Variants in RMND1 observed in about 807,000 individuals in gnomAD.
The protein encoded by RMND1 is required for meiotic nuclear division protein 1 homolog.
A neutral mutation model predicts 54.0 loss-of-function variants in RMND1; 41 were observed. That is an observed-to-expected ratio of 0.76 (90% CI 0.59 to 0.98). The LOEUF is 0.98. Among genes scored for constraint, RMND1 ranks in the 50% least tolerant of loss-of-function variants. The probability of loss-of-function intolerance (pLI) is 0.00; values close to 1 mark genes in which losing one functional copy is unlikely to be tolerated. For missense variants in RMND1, 457 were observed against 532.0 expected (o/e 0.86, Z 1.39); for synonymous variants, 183 against 181.7 (o/e 1.01, Z -0.06).
intron 9 of RMND1, 95 bp from the exon 10 acceptor site, chr6:151,417,494 T>G: frequency 1.2e-6 from 1 of 831,236 alleles, no homozygotes. Context: ...TATGAAAACT[T>G]TTTTTTTTTT....
At chr6:151,424,030 T>TA (rs1780224770) in intron 6 of RMND1, among the ~76,000 whole-genome samples, 1 of 151,952 alleles carries the variant, frequency 6.6e-6, no homozygotes, top group Non-Finnish European at 1.5e-5. Flanking sequence ...TTTGTATTTT[T>TA]AATAGAGATA....
At chr6:151,431,052 C>T (rs1780435108) in intron 4 of RMND1, among the ~76,000 whole-genome samples, 1 of 151,984 alleles carries the variant, frequency 6.6e-6, no homozygotes, top group African/African-American at 2.4e-5. Context: ...GTGATCAGTG[C>T]TACAAGAGTA....
chr6:151,424,718 GA>G (rs1016294593), intron 6 of RMND1, among the ~76,000 whole-genome samples: 17 of 152,082 alleles, frequency 1.1e-4, no homozygotes, highest in Non-Finnish European at 2.2e-4. Flanking sequence ...AGGAAGTTGT[GA>G]AAAATGAGTA....
intron 1 of RMND1, among the ~76,000 whole-genome samples, chr6:151,451,216 A>C (rs1462966094): frequency 6.6e-6 from 1 of 151,820 alleles, no homozygotes. Flanking sequence ...AAAAAAAAAA[A>C]AAACACAACC....
chr6:151,441,185 G>A (rs916569073), intron 2 of RMND1, among the ~76,000 whole-genome samples: 12 of 152,156 alleles, frequency 7.9e-5, no homozygotes, highest in Admixed American at 4.6e-4. Context: ...CGCATGCTCT[G>A]ATCAGAACAT....
chr6:151,450,597 C>T (rs1279473186), intron 1 of RMND1, among the ~76,000 whole-genome samples: 1 of 149,980 alleles, frequency 6.7e-6, no homozygotes, highest in Non-Finnish European at 1.5e-5. Flanking sequence ...AGCCCCCCGC[C>T]CGGCCAGCCG....
At chr6:151,417,534 C>T (rs534949929) in intron 9 of RMND1, 135 bp from the exon 10 acceptor site, 9 of 624,230 alleles carry the variant, frequency 1.4e-5, no homozygotes, top group East Asian at 9.4e-5. Context: ...CTATGTTACC[C>T]GGGATGGAGT....
At chr6:151,449,931 G>T (rs915278751) in intron 1 of RMND1, among the ~76,000 whole-genome samples, 1 of 152,216 alleles carries the variant, frequency 6.6e-6, no homozygotes, top group Admixed American at 6.5e-5. Context: ...GTTTGCAGAC[G>T]GAGTCTGGTT....
chr6:151,415,832 A>G (rs1197821391), intron 10 of RMND1, among the ~76,000 whole-genome samples: 2 of 150,890 alleles, frequency 1.3e-5, no homozygotes, highest in African/African-American at 4.9e-5. Context: ...CTGTATGACT[A>G]TCTATATAAC....
At chr6:151,420,592 CAT>C (rs1780126107) in intron 9 of RMND1, 1 of 152,160 alleles carries the variant, frequency 6.6e-6, no homozygotes, top group Admixed American at 6.6e-5. Context: ...AGTTTTTAGA[CAT>C]AGTTATTCCC....
intron 1 of RMND1, among the ~76,000 whole-genome samples, chr6:151,450,715 T>C (rs1400309484): frequency 2.0e-5 from 3 of 151,786 alleles, no homozygotes; most frequent in Admixed American, 1.3e-4. Flanking sequence ...CAACAGCTCA[T>C]TGAGAACGGG....
intron 2 of RMND1, 108 bp downstream of exon 2, chr6:151,445,200 G>C: frequency 8.9e-7 from 1 of 1,123,842 alleles, no homozygotes; most frequent in Non-Finnish European, 1.3e-6. Flanking sequence ...AGAAGTCTGA[G>C]TGACTGCTAG....
chr6:151,445,308 C>G lies in RMND1; in HGVS notation c.504G>C (p.Glu168Asp). The G allele has an allele frequency of 6.2e-7, 1 of 1,603,544 alleles. No homozygotes were observed. The highest frequency in any genetic ancestry group is 8.5e-7 in the Non-Finnish European group (1 of 1,175,416). The change falls in exon 2 of 12, where the codon GAG becomes GAC. Residue 168 changes from glutamate to aspartate, a missense_variant and splice_region_variant. Physicochemically the swap from Glu to Asp is conservative, Grantham distance 45. Coordinates refer to ENST00000444024, the MANE Select transcript of RMND1 (RefSeq NM_017909.4). ...AGAGCCACGGCCACCCCTACTTTAC[C>G]TCGTTCACAGACAGAACTGGAAGGT... ...RTNLPVLSVNEDLMHCTAFAT... is the reference protein window; with the variant it reads ...RTNLPVLSVNDDLMHCTAFAT...
chr6:151,450,821 G>A (rs1781152698), intron 1 of RMND1, among the ~76,000 whole-genome samples: 1 of 152,188 alleles, frequency 6.6e-6, no homozygotes, highest in South Asian at 2.1e-4. Flanking sequence ...GTAGAAAGAA[G>A]TAGACATGGG....
At chr6:151,437,266 A>G (rs73783013) in intron 2 of RMND1, among the ~76,000 whole-genome samples, 16,274 of 152,250 alleles carry the variant, frequency 0.11, 895 homozygotes, top group Middle Eastern at 0.17. Context: ...AGCTTTTTTA[A>G]TAAAACTAAA....
intron 1 of RMND1, among the ~76,000 whole-genome samples, chr6:151,449,459 T>G (rs898156606): frequency 5.9e-5 from 9 of 152,064 alleles, no homozygotes; most frequent in Admixed American, 3.3e-4. Context: ...GCACTCTCCT[T>G]TGCTTATTTT....
At chr6:151,427,329 T>C (rs950464983) in intron 6 of RMND1, among the ~76,000 whole-genome samples, 153 bp downstream of exon 6, 3 of 151,888 alleles carry the variant, frequency 2.0e-5, no homozygotes, top group South Asian at 2.1e-4. Flanking sequence ...TGAGCCGAGA[T>C]TGTGCCACTG....
chr6:151,433,109 T>TG (rs1780491620), intron 4 of RMND1, 46 bp downstream of exon 4: 1 of 1,241,398 alleles, frequency 8.1e-7, no homozygotes, highest in East Asian at 2.4e-5. Flanking sequence ...CACAATTACT[T>TG]GACCCAAACC....
In RMND1 at chr6:151,405,449, T is replaced by C. The variant is rs1485629449; in HGVS notation, c.1318-182A>G. Among the ~76,000 whole-genome samples the C allele has an allele frequency of 3.9e-5, 6 of 152,224 alleles. No homozygotes were observed. In the East Asian group the frequency reaches 1.2e-3, roughly 29 times the overall value. ...TGATTTGATGTTGAGCTGTACATTA[T>C]AAATTTACAGCTAGAACTTTTTCCA... On this transcript the variant is annotated intron_variant, in intron 11 of 11. Transcript: ENST00000444024.
Sources: gnomAD v4.1 joint callset for allele counts (sites outside exome capture counted in the v4.1 genomes callset) on GRCh38, gnomAD v4.1.1 for gene constraint, MANE v1.5 for transcripts, NCBI Gene and HGNC (gene_info 2026-07-23, HGNC 2026-07-21) for gene names.